Variants in LRP1B observed in about 807,000 individuals in gnomAD.
LRP1B encodes low-density lipoprotein receptor-related protein 1B.
LRP1B carries 217 observed loss-of-function variants against 556.6 expected under a neutral mutation model. That is an observed-to-expected ratio of 0.39 (90% CI 0.35 to 0.44). The LOEUF (loss-of-function observed/expected upper bound fraction) is 0.44, where lower values mean the gene tolerates loss of function less well. LRP1B is among the 20% of genes least tolerant of loss of function. LRP1B has a pLI of 1.00. For synonymous variants in LRP1B, 2,047 were observed against 1,865.8 expected, an observed-to-expected ratio of 1.10 and a Z score of -2.50; for missense variants, 5,053 against 5,620.8, an observed-to-expected ratio of 0.90 and a Z score of 3.23.
chr2:140,839,624 T>G (rs1032200878), intron 31 of LRP1B, among the ~76,000 whole-genome samples: 5 of 152,200 alleles, frequency 3.3e-5, no homozygotes, highest in Non-Finnish European at 4.4e-5. Context: ...CTCTCAGGCC[T>G]TTGGCTACAG....
intron 3 of LRP1B, among the ~76,000 whole-genome samples, chr2:141,436,231 A>T (rs4549016): frequency 6.6e-6 from 1 of 152,014 alleles, no homozygotes; most frequent in African/African-American, 2.4e-5. Flanking sequence ...TAACTAACAT[A>T]TCCATCACCA....
chr2:140,950,933 T>G (rs1695696145), intron 19 of LRP1B, among the ~76,000 whole-genome samples: 1 of 151,990 alleles, frequency 6.6e-6, no homozygotes, highest in African/African-American at 2.4e-5. Context: ...TTTGATTTAA[T>G]ATCAACTGCT....
At chr2:140,340,358 T>G (rs987856758) in intron 77 of LRP1B, among the ~76,000 whole-genome samples, 2 of 151,622 alleles carry the variant, frequency 1.3e-5, no homozygotes, top group African/African-American at 2.4e-5. Context: ...GTATAACAGT[T>G]TGAAATATTA....
chr2:141,845,763 C>A (rs1697624809), intron 1 of LRP1B, among the ~76,000 whole-genome samples: 1 of 151,612 alleles, frequency 6.6e-6, no homozygotes, highest in Non-Finnish European at 1.5e-5. Context: ...AGAAGCAGAG[C>A]TAACATAGAA....
At chr2:141,567,230 C>T (rs1454294791) in intron 2 of LRP1B, among the ~76,000 whole-genome samples, 5 of 152,022 alleles carry the variant, frequency 3.3e-5, no homozygotes, top group African/African-American at 9.7e-5. Flanking sequence ...TTTCTAATTA[C>T]TTTAGGATTC....
chr2:140,673,395 T>A (rs963321143), intron 41 of LRP1B, among the ~76,000 whole-genome samples: 3 of 152,194 alleles, frequency 2.0e-5, no homozygotes, highest in African/African-American at 7.2e-5. Context: ...ACATATTCAT[T>A]TCTCTTTGAG....
At position 140,721,984 on chromosome 2, in the gene LRP1B, T is replaced by C. The variant is rs1000820852; in HGVS notation, c.5759-5168A>G. ...ACCACTACCTTGATCAAGATATAGA[T>C]CACTGATAGCATCACACAGACTCCT... On this transcript the variant is annotated intron_variant, in intron 35 of 90. Transcript: ENST00000389484. Among the ~76,000 whole-genome samples the C allele has an allele frequency of 4.6e-5, 7 of 152,130 alleles. No individual in the cohort carries two copies. The East Asian group carries it at 1.2e-3, about 25-fold the overall frequency.
chr2:141,801,852 T>C (rs1487361037), intron 2 of LRP1B, among the ~76,000 whole-genome samples: 7 of 152,154 alleles, frequency 4.6e-5, no homozygotes, highest in Non-Finnish European at 1.0e-4. Flanking sequence ...TTTTAATTGC[T>C]GGATTTTTCT....
chr2:141,489,430 A>G (rs1300501982), intron 2 of LRP1B, among the ~76,000 whole-genome samples: 7 of 152,002 alleles, frequency 4.6e-5, no homozygotes, highest in Non-Finnish European at 4.4e-5. Flanking sequence ...TTGCATTATA[A>G]TATCTGTAAT....
At chr2:140,798,813 T>G (rs1485914688) in intron 32 of LRP1B, among the ~76,000 whole-genome samples, 1 of 152,076 alleles carries the variant, frequency 6.6e-6, no homozygotes, top group Non-Finnish European at 1.5e-5. Context: ...GCATCACTGG[T>G]GTATTGGGAA....
intron 60 of LRP1B, among the ~76,000 whole-genome samples, chr2:140,468,112 C>A (rs2105338180): frequency 6.6e-6 from 1 of 152,280 alleles, no homozygotes; most frequent in East Asian, 1.9e-4. Flanking sequence ...CCATCACAGG[C>A]CCAGAATGCC....
chr2:140,657,035 A>G (rs764090402), intron 41 of LRP1B, among the ~76,000 whole-genome samples: 4 of 152,044 alleles, frequency 2.6e-5, no homozygotes, highest in African/African-American at 9.7e-5. Flanking sequence ...AGTTCCCAAT[A>G]TTTTACAGAG....
At chr2:140,386,216 G>A (rs892894284) in intron 66 of LRP1B, among the ~76,000 whole-genome samples, 3 of 152,024 alleles carry the variant, frequency 2.0e-5, no homozygotes, top group Non-Finnish European at 2.9e-5. Context: ...TGCTTTCACC[G>A]CGAGCTAATC....
At chr2:141,272,242 T>C (rs1001856621) in intron 3 of LRP1B, among the ~76,000 whole-genome samples, 1 of 152,072 alleles carries the variant, frequency 6.6e-6, no homozygotes, top group African/African-American at 2.4e-5. Flanking sequence ...CTAAAAGTAG[T>C]ATAAATCTGA....
At position 141,509,539 on chromosome 2, in the gene LRP1B, T is replaced by C. The variant is rs566101120; in HGVS notation, c.206-29006A>G. On this transcript the variant is annotated intron_variant, in intron 2 of 90. Coordinates refer to ENST00000389484, the MANE Select transcript of LRP1B (RefSeq NM_018557.3). ...AAATCTGAATGATTCAATATCTAAG[T>C]AGCCCTAAATGGTGGTACTAGAGCT... is the stretch of plus-strand genomic sequence containing the variant. Among the ~76,000 whole-genome samples, 19 of 152,188 alleles carry C rather than the reference T, an allele frequency of 1.2e-4. No homozygotes were observed. The East Asian group carries it at 3.3e-3, about 26-fold the overall frequency.
intron 7 of LRP1B, among the ~76,000 whole-genome samples, chr2:141,131,036 C>A (rs1443332872): frequency 6.6e-6 from 1 of 151,906 alleles, no homozygotes; most frequent in Non-Finnish European, 1.5e-5. Context: ...ACATGTGGAA[C>A]TTAAAACCTA....
intron 7 of LRP1B, among the ~76,000 whole-genome samples, chr2:141,133,451 A>T (rs1401383243): frequency 6.6e-6 from 1 of 152,034 alleles, no homozygotes; most frequent in Non-Finnish European, 1.5e-5. Context: ...GGATAACATT[A>T]AGTAAATTCC....
chr2:140,664,600 T>C (rs189849693), intron 41 of LRP1B, among the ~76,000 whole-genome samples: 31 of 152,320 alleles, frequency 2.0e-4, no homozygotes, highest in African/African-American at 7.2e-4. Flanking sequence ...ACCAGTGCTC[T>C]AATTTTAGAC....
intron 43 of LRP1B, among the ~76,000 whole-genome samples, chr2:140,562,683 C>T (rs1267807225): frequency 1.3e-5 from 2 of 152,038 alleles, no homozygotes; most frequent in African/African-American, 2.4e-5. Flanking sequence ...TGCAGTGGCA[C>T]GATCTTGGCT....
Sources: gnomAD v4.1 joint callset for allele counts (sites outside exome capture counted in the v4.1 genomes callset) on GRCh38, gnomAD v4.1.1 for gene constraint, MANE v1.5 for transcripts, NCBI Gene and HGNC (gene_info 2026-07-23, HGNC 2026-07-21) for gene names.